DNAH6: variants seen among roughly 807,000 people sequenced by gnomAD.
DNAH6 encodes axonemal beta dynein heavy chain 6.
Under a neutral mutation model 491.4 loss-of-function variants are expected in DNAH6, and 340 were observed. That is an observed-to-expected ratio of 0.69 (90% CI 0.63 to 0.76). The LOEUF is 0.76. Among genes scored for constraint, DNAH6 ranks in the 30% least tolerant of loss-of-function variants. The probability of loss-of-function intolerance (pLI) is 0.00; values close to 1 mark genes in which losing one functional copy is unlikely to be tolerated. For synonymous variants in DNAH6, 1,603 were observed against 1,686.1 expected, an observed-to-expected ratio of 0.95 and a Z score of 1.21; for missense variants, 4,443 against 4,972.2, an observed-to-expected ratio of 0.89 and a Z score of 3.20.
At chr2:84,762,096 G>T (rs1257631495) in intron 63 of DNAH6, among the ~76,000 whole-genome samples, 1 of 152,140 alleles carries the variant, frequency 6.6e-6, no homozygotes, top group Non-Finnish European at 1.5e-5. Context: ...GTAGGGTAGG[G>T]TAGGATCAGT....
At chr2:84,572,691 G>A (rs1033876596) in intron 11 of DNAH6, among the ~76,000 whole-genome samples, 1 of 152,146 alleles carries the variant, frequency 6.6e-6, no homozygotes, top group Admixed American at 6.5e-5. Flanking sequence ...TGTTGGATTT[G>A]TGCAATTCCA....
In DNAH6 at chr2:84,718,377, A is replaced by T; in HGVS notation, c.9785A>T (p.Asp3262Val). The T allele has an allele frequency of 1.4e-5, 21 of 1,527,118 alleles. No homozygotes were observed. The highest frequency in any genetic ancestry group is 1.8e-5 in the Non-Finnish European group (21 of 1,139,214). 94.6% of individuals were successfully genotyped at this position (1,527,118 alleles called of 1,614,324 possible). ...DNEELIDTLQ[D>V]SKITSGAIKT... ...GAAGAACTTATTGACACACTCCAGG[A>T]TTCAAAGGCAAGTAAAATATTTTTA... The change falls in exon 59 of 77, where the codon GAT becomes GTT. Residue 3262 changes from aspartate (D) to valine (V), a missense_variant. By Grantham distance (152) the Asp-to-Val change is radical. Coordinates refer to ENST00000389394, the MANE Select transcript of DNAH6 (RefSeq NM_001370.2).
At chr2:84,641,869 G>T (rs1402768418) in intron 32 of DNAH6, 78 bp from the exon 33 acceptor site, 2 of 1,173,094 alleles carry the variant, frequency 1.7e-6, no homozygotes, top group Non-Finnish European at 2.4e-6. Context: ...GAAGGGCTCT[G>T]CCCTCCCCAC....
chr2:84,601,510 T>C (rs768214447), intron 18 of DNAH6, among the ~76,000 whole-genome samples: 2 of 152,128 alleles, frequency 1.3e-5, no homozygotes, highest in Non-Finnish European at 2.9e-5. Context: ...CATTTACATT[T>C]TCTGAAATTA....
chr2:84,638,075 T>C (rs1053213941), intron 31 of DNAH6, among the ~76,000 whole-genome samples: 15 of 152,012 alleles, frequency 9.9e-5, no homozygotes, highest in Non-Finnish European at 1.6e-4. Context: ...ACCAAAAATA[T>C]AAAAATTAGC....
the DNAH6 span, among the ~76,000 whole-genome samples, chr2:84,490,343 G>A: frequency 6.6e-6 from 1 of 150,732 alleles, no homozygotes; most frequent in African/African-American, 2.4e-5. Flanking sequence ...TCAGTAAACA[G>A]CACCCTTTTA....
At chr2:84,539,733 T>C (rs192659991) in intron 4 of DNAH6, among the ~76,000 whole-genome samples, 41 of 152,284 alleles carry the variant, frequency 2.7e-4, no homozygotes, top group African/African-American at 8.7e-4. Flanking sequence ...TTGAGAAACA[T>C]TGACCATAGA....
intron 9 of DNAH6, among the ~76,000 whole-genome samples, chr2:84,552,574 T>G (rs1318414541): frequency 1.3e-5 from 2 of 152,230 alleles, no homozygotes; most frequent in African/African-American, 2.4e-5. Flanking sequence ...ATTAATATAT[T>G]ATTGGCATAT....
intron 11 of DNAH6, among the ~76,000 whole-genome samples, chr2:84,571,567 TA>T (rs1681873910): frequency 6.6e-6 from 1 of 152,042 alleles, no homozygotes; most frequent in Non-Finnish European, 1.5e-5. Context: ...GAGATACCTT[TA>T]AAAAATGTGA....
At chr2:84,486,994 C>A in the DNAH6 span, among the ~76,000 whole-genome samples, 2 of 152,100 alleles carry the variant, frequency 1.3e-5, no homozygotes, top group Admixed American at 1.3e-4. Flanking sequence ...ACCTGGAGAG[C>A]AAAGACTCAA....
intron 33 of DNAH6, among the ~76,000 whole-genome samples, chr2:84,649,936 C>T (rs989571345): frequency 1.3e-5 from 2 of 152,066 alleles, no homozygotes; most frequent in Non-Finnish European, 2.9e-5. Context: ...GAAAATAAAA[C>T]ATTTTTTTAA....
Position 84,548,406 on chromosome 2 carries a change from G to A in DNAH6, c.1305G>A (p.Met435Ile), listed in dbSNP as rs1204662042. Residue 435 changes from methionine (M) to isoleucine (I), a missense_variant, in exon 8 of 77, where the codon ATG becomes ATA. By Grantham distance (10) the Met-to-Ile change is conservative. Transcript: ENST00000389394. ...TEQASKRHYC[M>I]RLTCFIRLND... The stretch of plus-strand genomic sequence containing the variant: ...AGGCCAGCAAAAGGCATTATTGCAT[G>A]AGGCTGACGTGGTAAGATTATTCTC... The A allele has an allele frequency of 4.3e-6, 7 of 1,613,602 alleles. No individual in the cohort carries two copies. The highest frequency in any genetic ancestry group is 3.3e-5 in the Admixed American group (2 of 59,856).
intron 39 of DNAH6, among the ~76,000 whole-genome samples, chr2:84,671,821 T>C (rs760037968): frequency 5.3e-5 from 8 of 152,248 alleles, no homozygotes; most frequent in South Asian, 2.1e-4. Flanking sequence ...TGTATATTCA[T>C]TTAAATGTGG....
intron 72 of DNAH6, among the ~76,000 whole-genome samples, chr2:84,809,994 A>G (rs1290003183): frequency 6.6e-6 from 1 of 152,110 alleles, no homozygotes; most frequent in Non-Finnish European, 1.5e-5. Flanking sequence ...AGCTAACACT[A>G]AGGAGGTGCT....
At chr2:84,641,401 C>T (rs145940925) in intron 32 of DNAH6, among the ~76,000 whole-genome samples, 2 of 152,124 alleles carry the variant, frequency 1.3e-5, no homozygotes, top group Non-Finnish European at 2.9e-5. Context: ...ATACTAAGAA[C>T]TTGAGATACA....
intron 57 of DNAH6, among the ~76,000 whole-genome samples, chr2:84,714,133 C>T (rs1697309483): frequency 6.6e-6 from 1 of 152,202 alleles, no homozygotes; most frequent in South Asian, 2.1e-4. Context: ...CAGGCTCTTA[C>T]CTAGGAAAGG....
At chr2:84,721,458 G>A (rs1698147391) in intron 59 of DNAH6, among the ~76,000 whole-genome samples, 2 of 152,058 alleles carry the variant, frequency 1.3e-5, no homozygotes, top group South Asian at 4.2e-4. Context: ...AAATAGTCTA[G>A]ACTTATACTC....
At chr2:84,551,308 G>C (rs1679335922) in intron 9 of DNAH6, among the ~76,000 whole-genome samples, 1 of 151,986 alleles carries the variant, frequency 6.6e-6, no homozygotes, top group African/African-American at 2.4e-5. Flanking sequence ...TATTCTAAAA[G>C]TAATTTATGC....
At chr2:84,748,411 T>C (rs991706832) in intron 63 of DNAH6, among the ~76,000 whole-genome samples, 2 of 152,206 alleles carry the variant, frequency 1.3e-5, no homozygotes, top group African/African-American at 4.8e-5. Flanking sequence ...TGAAATTTCT[T>C]CCACCAGATA....
Sources: allele counts gnomAD v4.1 joint callset (sites outside exome capture counted in the v4.1 genomes callset), GRCh38; gene constraint gnomAD v4.1.1; transcripts MANE v1.5; gene names NCBI Gene and HGNC (gene_info 2026-07-23, HGNC 2026-07-21).